Variants in NMNAT2 observed in about 807,000 individuals in gnomAD.
NMNAT2 encodes the protein nicotinamide/nicotinic acid mononucleotide adenylyltransferase 2.
A neutral mutation model predicts 41.6 loss-of-function variants in NMNAT2; 11 were observed. The ratio of observed to expected loss-of-function variants is 0.26; its 90% CI spans 0.17 to 0.44. NMNAT2 has a LOEUF of 0.44. Among genes scored for constraint, NMNAT2 ranks in the 20% least tolerant of loss-of-function variants. The pLI is 1.00. For synonymous variants in NMNAT2, 148 were observed against 151.2 expected, an observed-to-expected ratio of 0.98 and a Z score of 0.16; for missense variants, 288 against 407.7, an observed-to-expected ratio of 0.71 and a Z score of 2.53.
intron 1 of NMNAT2, among the ~76,000 whole-genome samples, chr1:183,320,397 A>G (rs1303060433): frequency 6.6e-6 from 1 of 152,142 alleles, no homozygotes; most frequent in Non-Finnish European, 1.5e-5. Flanking sequence ...TGAGGTCAGG[A>G]GTTCAAGACC....
At chr1:183,343,370 G>T (rs1280761883) in intron 1 of NMNAT2, among the ~76,000 whole-genome samples, 1 of 152,124 alleles carries the variant, frequency 6.6e-6, no homozygotes, top group Non-Finnish European at 1.5e-5. Flanking sequence ...GCAGGCCTTA[G>T]TTTATCTGTC....
At chr1:183,302,980 C>T (rs1194541221) in intron 1 of NMNAT2, among the ~76,000 whole-genome samples, 2 of 152,158 alleles carry the variant, frequency 1.3e-5, no homozygotes, top group Non-Finnish European at 2.9e-5. Context: ...GCAGCCATCT[C>T]CTGATCTGTT....
intron 1 of NMNAT2, among the ~76,000 whole-genome samples, chr1:183,323,128 C>T (rs995143274): frequency 4.6e-5 from 7 of 152,260 alleles, no homozygotes; most frequent in African/African-American, 1.4e-4. Flanking sequence ...GAAGGGGTTT[C>T]GCCATGTTGG....
intron 1 of NMNAT2, among the ~76,000 whole-genome samples, chr1:183,360,804 C>T (rs980860098): frequency 3.9e-5 from 6 of 152,154 alleles, no homozygotes; most frequent in Non-Finnish European, 7.3e-5. Flanking sequence ...TGCAGATCCT[C>T]CAGGATTATT....
intron 1 of NMNAT2, among the ~76,000 whole-genome samples, chr1:183,334,572 T>C (rs1662646010): frequency 6.6e-6 from 1 of 151,052 alleles, no homozygotes. Context: ...TGGAGTACAG[T>C]GGCATCATCT....
intron 1 of NMNAT2, among the ~76,000 whole-genome samples, chr1:183,302,782 C>T (rs1424085540): frequency 6.6e-6 from 1 of 152,202 alleles, no homozygotes; most frequent in African/African-American, 2.4e-5. Context: ...ATTCCCAGAA[C>T]CACAATCACA....
chr1:183,408,177 G>A (rs893225028), intron 1 of NMNAT2, among the ~76,000 whole-genome samples: 3 of 152,166 alleles, frequency 2.0e-5, no homozygotes, highest in Non-Finnish European at 2.9e-5. Flanking sequence ...AACACCCAGA[G>A]GTAGGTTATT....
chr1:183,358,211 T>C (rs1416201063), intron 1 of NMNAT2, among the ~76,000 whole-genome samples: 1 of 152,086 alleles, frequency 6.6e-6, no homozygotes, highest in Non-Finnish European at 1.5e-5. Flanking sequence ...AAGTGGGAGC[T>C]AAATTATAAG....
At chr1:183,314,699 T>C (rs932227757) in intron 1 of NMNAT2, among the ~76,000 whole-genome samples, 41 of 152,202 alleles carry the variant, frequency 2.7e-4, no homozygotes, top group Admixed American at 2.7e-3. Context: ...TGTATGCATA[T>C]GTAAAAGTGC....
intron 1 of NMNAT2, among the ~76,000 whole-genome samples, chr1:183,300,261 G>T (rs1661814982): frequency 6.6e-6 from 1 of 152,090 alleles, no homozygotes; most frequent in South Asian, 2.1e-4. Flanking sequence ...AATTAGCCAG[G>T]CGTGGTGGCA....
chr1:183,327,217 A>G (rs1024703994), intron 1 of NMNAT2, among the ~76,000 whole-genome samples: 1 of 151,910 alleles, frequency 6.6e-6, no homozygotes, highest in Non-Finnish European at 1.5e-5. Flanking sequence ...TACTTGGCTA[A>G]TTTTTGTATT....
rs533246500 is a variant in NMNAT2, at chr1:183,331,065, G to A, written c.86-37272C>T. ...TTCCTTCCTTCCTCCTACTTTCTGG[G>A]GTTTATTCAAGATCCAGGCTGATTT... On this transcript the variant is annotated intron_variant, in intron 1 of 10. Transcript: ENST00000287713. 4.2e-4 allele frequency among the ~76,000 whole-genome samples: 64 copies of A among 151,298 alleles called. 1 individual carries two copies. The highest frequency in any genetic ancestry group is 1.8e-3 in the Admixed American group (27 of 15,178).
rs12061725 is a variant in NMNAT2, at chr1:183,268,290, G to A, written c.652-6987C>T. ...TTGCCCTGCCTTGCTGGATTTAAAG[G>A]GATGCTTTGAGTGGGTGGATGACTT... On this transcript the variant is annotated intron_variant, in intron 8 of 10. Transcript: ENST00000287713. Among the ~76,000 whole-genome samples the A allele has an allele frequency of 3.0e-3, 456 of 152,270 alleles. 5 individuals carry two copies. The highest frequency in any genetic ancestry group is 0.01 in the African/African-American group (423 of 41,542).
intron 1 of NMNAT2, among the ~76,000 whole-genome samples, chr1:183,394,550 G>A (rs1482898284): frequency 6.6e-6 from 1 of 152,216 alleles, no homozygotes; most frequent in African/African-American, 2.4e-5. Context: ...AAGGCTTTGT[G>A]AGGGTGAGAA....
intron 1 of NMNAT2, among the ~76,000 whole-genome samples, chr1:183,324,779 C>T (rs565855881): frequency 6.6e-6 from 1 of 152,284 alleles, no homozygotes; most frequent in East Asian, 1.9e-4. Flanking sequence ...CTTAGCACTT[C>T]ACACTGTACT....
chr1:183,279,706 G>A (rs1661211827), intron 7 of NMNAT2, among the ~76,000 whole-genome samples: 2 of 152,212 alleles, frequency 1.3e-5, no homozygotes, highest in Non-Finnish European at 2.9e-5. Flanking sequence ...AAGCAGGGGG[G>A]AGGCTACTGG....
Position 183,270,420 on chromosome 1 carries a change from T to A in NMNAT2, c.651+8133A>T, listed in dbSNP as rs987167625. ...ATGCTCCCTCCATTTCAGTAAAGGATCCTCCACCCTTGCTGTAGCCCCTGC... is the reference window on the plus strand; with the variant it reads ...ATGCTCCCTCCATTTCAGTAAAGGAACCTCCACCCTTGCTGTAGCCCCTGC... On this transcript the variant is annotated intron_variant, in intron 8 of 10. Transcript: ENST00000287713. Among the ~76,000 whole-genome samples, 87 of 151,736 alleles carry A rather than the reference T, an allele frequency of 5.7e-4. 1 individual carries two copies. Among genetic ancestry groups the A allele is most frequent in the African/African-American group, 2.0e-3 (82 of 41,254 alleles).
chr1:183,255,662 G>GTT (rs56106186), intron 10 of NMNAT2, among the ~76,000 whole-genome samples: 40 of 100,924 alleles, frequency 4.0e-4, no homozygotes, highest in African/African-American at 1.3e-3. Context: ...ATTCCTAAGG[G>GTT]TTTTTTTTTT....
chr1:183,288,424 AG>A (rs1205864567), intron 4 of NMNAT2, among the ~76,000 whole-genome samples: 3 of 152,168 alleles, frequency 2.0e-5, no homozygotes, highest in Non-Finnish European at 4.4e-5. Context: ...GCTCCAAGAC[AG>A]GGGGGCCGGC....
Sources: gnomAD v4.1 joint callset for allele counts (sites outside exome capture counted in the v4.1 genomes callset) on GRCh38, gnomAD v4.1.1 for gene constraint, MANE v1.5 for transcripts, NCBI Gene and HGNC (gene_info 2026-07-23, HGNC 2026-07-21) for gene names.